Variants in GATAD2A observed in about 807,000 individuals in gnomAD.
GATAD2A encodes GATA zinc finger domain containing 2A.
Under a neutral mutation model 68.5 loss-of-function variants are expected in GATAD2A, and 12 were observed. The ratio of observed to expected loss-of-function variants is 0.18; its 90% CI spans 0.11 to 0.28. The LOEUF (loss-of-function observed/expected upper bound fraction) is 0.28, where lower values mean the gene tolerates loss of function less well. Among genes scored for constraint, GATAD2A ranks in the 10% least tolerant of loss-of-function variants. The pLI is 1.00. For missense variants in GATAD2A, 755 were observed against 868.5 expected, an observed-to-expected ratio of 0.87 and a Z score of 1.64; for synonymous variants, 410 against 375.3, an observed-to-expected ratio of 1.09 and a Z score of -1.07.
intron 1 of GATAD2A, among the ~76,000 whole-genome samples, chr19:19,411,185 C>T (rs892804927): frequency 6.6e-6 from 1 of 152,266 alleles, no homozygotes; most frequent in Non-Finnish European, 1.5e-5. Context: ...GGAGGTGATA[C>T]TTGCCATAGT....
intron 1 of GATAD2A, among the ~76,000 whole-genome samples, chr19:19,461,535 C>T (rs1215929123): frequency 1.3e-5 from 2 of 152,166 alleles, no homozygotes; most frequent in Admixed American, 6.5e-5. Context: ...TGGCATTTTA[C>T]GAAAATAAAG....
chr19:19,464,441 C>T (rs1355525035), intron 1 of GATAD2A, among the ~76,000 whole-genome samples: 1 of 152,200 alleles, frequency 6.6e-6, no homozygotes, highest in African/African-American at 2.4e-5. Context: ...TGTCCCAGAC[C>T]CTGCTGTGGA....
At chr19:19,409,907 C>T (rs1600037052) in intron 1 of GATAD2A, among the ~76,000 whole-genome samples, 3 of 152,204 alleles carry the variant, frequency 2.0e-5, no homozygotes, top group Admixed American at 2.0e-4. Flanking sequence ...CTCTTTTTGT[C>T]TGATGGAAAT....
intron 1 of GATAD2A, chr19:19,428,043 G>T (rs1279321878): frequency 6.6e-6 from 1 of 152,154 alleles, no homozygotes; most frequent in Non-Finnish European, 1.5e-5. Flanking sequence ...CTTTAATACA[G>T]CAGTGTGTTG....
intron 1 of GATAD2A, among the ~76,000 whole-genome samples, chr19:19,463,087 G>A (rs772058803): frequency 5.3e-5 from 8 of 152,162 alleles, no homozygotes; most frequent in East Asian, 1.9e-4. Flanking sequence ...AGCTTCATCC[G>A]TAGAGTGGGG....
At chr19:19,405,083 C>T (rs180925247), upstream of GATAD2A, among the ~76,000 whole-genome samples, 2 of 152,232 alleles carry the variant, frequency 1.3e-5, no homozygotes, top group African/African-American at 4.8e-5. Flanking sequence ...GGGTTTTCAC[C>T]TTCTCCCTGA....
intron 1 of GATAD2A, among the ~76,000 whole-genome samples, chr19:19,429,669 GAGACAGGCAGGGGC>G (rs2053515705): frequency 1.3e-5 from 2 of 151,858 alleles, no homozygotes; most frequent in Non-Finnish European, 2.9e-5. Flanking sequence ...GCTGAGGGAG[GAGACAGGCAGGGGC>G]AGACCAGGGG....
chr19:19,470,752 C>T (rs189803799), intron 2 of GATAD2A, among the ~76,000 whole-genome samples: 1 of 144,816 alleles, frequency 6.9e-6, no homozygotes, highest in South Asian at 2.2e-4. Flanking sequence ...CTGTAAAAAA[C>T]AAAAAAAAAA....
intron 2 of GATAD2A, among the ~76,000 whole-genome samples, chr19:19,469,587 A>G (rs1412868883): frequency 6.6e-6 from 1 of 151,678 alleles, no homozygotes; most frequent in Non-Finnish European, 1.5e-5. Context: ...CCATGTCAAT[A>G]ATGCAGTAAC....
chr19:19,394,741 G>A (rs1249983511), intron 1 of GATAD2A, among the ~76,000 whole-genome samples: 1 of 152,228 alleles, frequency 6.6e-6, no homozygotes, highest in Non-Finnish European at 1.5e-5. Flanking sequence ...ACCACTCCCG[G>A]CCCAGGCTTT....
chr19:19,464,333 G>A (rs556807358), intron 1 of GATAD2A, among the ~76,000 whole-genome samples: 1 of 152,240 alleles, frequency 6.6e-6, no homozygotes, highest in Non-Finnish European at 1.5e-5. Flanking sequence ...ACACTGGGAT[G>A]CTTTTTTAAG....
chr19:19,496,259 C>T (rs1468521506), intron 7 of GATAD2A, 40 bp downstream of exon 7: 3 of 1,577,826 alleles, frequency 1.9e-6, no homozygotes, highest in Non-Finnish European at 1.7e-6. Context: ...GAGTGTGTGT[C>T]CCACCTGTGA....
In GATAD2A at chr19:19,396,772, A is replaced by G. The variant is rs142966439; in HGVS notation, c.-7+10634A>G. ...TGCCCAGGCTGGAGTGCAATGGTGCAGTCTCAGCTCATTGCAACCTCCACC... is the reference window on the plus strand; with the variant it reads ...TGCCCAGGCTGGAGTGCAATGGTGCGGTCTCAGCTCATTGCAACCTCCACC... On this transcript the variant is annotated intron_variant, in intron 1 of 11. Transcript: ENST00000360315. Among the ~76,000 whole-genome samples, 800 of 151,690 alleles carry G rather than the reference A, an allele frequency of 5.3e-3. 6 individuals carry two copies. Among genetic ancestry groups the G allele is most frequent in the South Asian group, 0.042 (199 of 4,794 alleles).
chr19:19,494,481 G>C, intron 5 of GATAD2A, 98 bp downstream of exon 5: 1 of 703,076 alleles, frequency 1.4e-6, no homozygotes, highest in Non-Finnish European at 2.5e-6. Flanking sequence ...CCCAGGTTCT[G>C]CAAGAGGTTG....
In GATAD2A at chr19:19,465,743, A is replaced by G. The variant is rs1234546416; in HGVS notation, c.269+129A>G. Reference sequence around the variant, plus strand: ...GGGTTGTGGAGAGGGCTGTAGGCTCAGCTCGGGCATCACCCACCACTGGCA... The same window carrying G: ...GGGTTGTGGAGAGGGCTGTAGGCTCGGCTCGGGCATCACCCACCACTGGCA... On this transcript the variant is annotated intron_variant, in intron 2 of 11. Coordinates refer to ENST00000683918, the MANE Select transcript of GATAD2A (RefSeq NM_001384528.1). The G allele has an allele frequency of 2.5e-5, 28 of 1,098,626 alleles. No individual in the cohort carries two copies. The Admixed American group carries it at 6.7e-4, about 26-fold the overall frequency. The allele number at this position is 1,098,626 out of a possible 1,614,324, so 68.1% of individuals were successfully genotyped here. A position where few individuals can be genotyped will look rare whatever the true frequency, so the allele number is the denominator to read the frequency against.
chr19:19,487,651 C>T (rs1430159627), intron 2 of GATAD2A, among the ~76,000 whole-genome samples: 1 of 152,124 alleles, frequency 6.6e-6, no homozygotes, highest in Non-Finnish European at 1.5e-5. Flanking sequence ...GGCAAGGGGA[C>T]AGGGCCGGGC....
intron 1 of GATAD2A, among the ~76,000 whole-genome samples, chr19:19,432,899 T>G (rs2053910525): frequency 6.6e-6 from 1 of 152,164 alleles, no homozygotes; most frequent in African/African-American, 2.4e-5. Context: ...GAATATAGTT[T>G]GGAGACCTCC....
intron 2 of GATAD2A, among the ~76,000 whole-genome samples, chr19:19,467,598 T>C (rs1446466985): frequency 6.6e-6 from 1 of 152,244 alleles, no homozygotes; most frequent in Non-Finnish European, 1.5e-5. Flanking sequence ...TAATCCATTT[T>C]CATTGCTGTA....
chr19:19,388,347 G>A (rs1234350030), intron 1 of GATAD2A, among the ~76,000 whole-genome samples: 1 of 151,984 alleles, frequency 6.6e-6, no homozygotes, highest in East Asian at 1.9e-4. Flanking sequence ...GTGAACCACC[G>A]CGCCCGGCCA....
Sources: allele counts gnomAD v4.1 joint callset (sites outside exome capture counted in the v4.1 genomes callset), GRCh38; gene constraint gnomAD v4.1.1; transcripts MANE v1.5; gene names NCBI Gene and HGNC (gene_info 2026-07-23, HGNC 2026-07-21).